FBXL14: variants seen among roughly 807,000 people sequenced by gnomAD.
FBXL14 encodes the protein F-box/LRR-repeat protein 14.
In FBXL14, 11 loss-of-function variants were observed where a neutral mutation model predicts 24.5. That is an observed-to-expected ratio of 0.45 (90% confidence interval 0.28 to 0.74). The LOEUF (loss-of-function observed/expected upper bound fraction) is 0.74. Ranked by LOEUF, FBXL14 falls within the 30% of genes least tolerant of loss-of-function variation. The pLI is 0.12. For missense variants in FBXL14, 384 were observed against 545.6 expected, an observed-to-expected ratio of 0.70 and a Z score of 2.95; for synonymous variants, 294 against 240.4, an observed-to-expected ratio of 1.22 and a Z score of -2.06.
intron 1 of FBXL14, among the ~76,000 whole-genome samples, chr12:1,578,605 C>G (rs2094460338): frequency 6.6e-6 from 1 of 152,124 alleles, no homozygotes; most frequent in Non-Finnish European, 1.5e-5. Flanking sequence ...CGCCACTGCA[C>G]TCCAGCCTGG....
At chr12:1,577,541 G>A (rs1321124839) in intron 1 of FBXL14, among the ~76,000 whole-genome samples, 2 of 152,236 alleles carry the variant, frequency 1.3e-5, no homozygotes, top group Non-Finnish European at 1.5e-5. Flanking sequence ...GTCAAATACA[G>A]TGATGGTCAT....
rs901509851 is a variant in FBXL14, at chr12:1,569,173, CT to C, written c.1195-2364del. Reference sequence around the variant, plus strand: ...ATTTATATAATCAATGCTTGTTTTGCTTCTCTTTTTTCTCCTTTTCATTTTC... The same window carrying C: ...ATTTATATAATCAATGCTTGTTTTGCTCTCTTTTTTCTCCTTTTCATTTTC... On this transcript the variant is annotated intron_variant, in intron 1 of 1. Transcript: ENST00000339235. The surrounding 1 kb of genome is among the most constrained non-coding windows in gnomAD (Gnocchi z 4.2). 2.0e-5 allele frequency among the ~76,000 whole-genome samples: 3 copies of C among 151,870 alleles called. No individual in the cohort carries two copies. The highest frequency in any genetic ancestry group is 7.3e-5 in the African/African-American group (3 of 41,338).
chr12:1,575,490 C>T (rs935032649), intron 1 of FBXL14, among the ~76,000 whole-genome samples: 16 of 152,154 alleles, frequency 1.1e-4, no homozygotes, highest in Admixed American at 2.6e-4. Context: ...CTGTGCCGTT[C>T]GGGATCCCGT....
intron 1 of FBXL14, among the ~76,000 whole-genome samples, chr12:1,572,714 G>C (rs941902095): frequency 6.6e-6 from 1 of 152,292 alleles, no homozygotes; most frequent in African/African-American, 2.4e-5. Context: ...TAACCTATTG[G>C]CAAGAAGGAG....
At chr12:1,580,341 T>C (rs1365490668) in intron 1 of FBXL14, among the ~76,000 whole-genome samples, 2 of 152,234 alleles carry the variant, frequency 1.3e-5, no homozygotes, top group Non-Finnish European at 2.9e-5. Context: ...GTTTTATAAA[T>C]AAGGGCTTAA....
intron 1 of FBXL14, among the ~76,000 whole-genome samples, chr12:1,573,437 A>G (rs1419705549): frequency 6.6e-6 from 1 of 152,180 alleles, no homozygotes; most frequent in Non-Finnish European, 1.5e-5. Flanking sequence ...GAAGCTCAGC[A>G]CATACGTTCA....
At chr12:1,576,147 G>A (rs948706039) in intron 1 of FBXL14, among the ~76,000 whole-genome samples, 2 of 152,192 alleles carry the variant, frequency 1.3e-5, no homozygotes, top group Non-Finnish European at 2.9e-5. Flanking sequence ...ATGAAGCAGG[G>A]AGTGATTTAA....
Position 1,567,875 on chromosome 12 carries a change from C to G in FBXL14, c.1195-1065G>C, listed in dbSNP as rs2094438812. Among the ~76,000 whole-genome samples, 1 of 152,218 alleles carries G rather than the reference C, an allele frequency of 6.6e-6. No homozygotes were observed. The highest frequency in any genetic ancestry group is 1.5e-5 in the Non-Finnish European group (1 of 68,038). On this transcript the variant is annotated intron_variant, in intron 1 of 1. Transcript: ENST00000339235. The surrounding 1 kb of genome is among the most constrained non-coding windows in gnomAD (Gnocchi z 4.8). The stretch of plus-strand genomic sequence containing the variant: ...TGTGAAAAGGGAAAAGAAAACCCAC[C>G]CACACGCACACGCGCGCACACACGT...
At position 1,593,154 on chromosome 12, in the gene FBXL14, C is replaced by G. The variant is rs756919532; in HGVS notation, c.913G>C (p.Asp305His). The G allele has an allele frequency of 6.8e-6, 11 of 1,613,662 alleles. No individual in the cohort carries two copies. The highest frequency in any genetic ancestry group is 2.7e-5 in the African/African-American group (2 of 74,958). The change falls in exon 1 of 2, where the codon GAT (aspartate) becomes CAT (histidine). Residue 305 changes from aspartate to histidine, a missense_variant. Coordinates refer to ENST00000339235, the MANE Select transcript of FBXL14 (RefSeq NM_152441.3). The surrounding 1 kb of genome is among the most constrained non-coding windows in gnomAD (Gnocchi z 7.4). ...QSLAYIAQGL[D>H]GLKSLSLCSC... ...CAGAGGGAGAGAGACTTGAGGCCAT[C>G]CAGCCCCTGGGCTATGTAAGCCAGA...
intron 1 of FBXL14, among the ~76,000 whole-genome samples, chr12:1,578,799 G>C (rs1315448792): frequency 2.0e-5 from 3 of 152,062 alleles, no homozygotes; most frequent in African/African-American, 7.2e-5. Context: ...GGGCGGCTTC[G>C]GAGCAGCTCT....
chr12:1,582,906 G>T (rs759055566), intron 1 of FBXL14, among the ~76,000 whole-genome samples: 53 of 152,218 alleles, frequency 3.5e-4, no homozygotes, highest in East Asian at 1.9e-4. Flanking sequence ...GTCTCTTCTT[G>T]TGCCATTCTA....
chr12:1,575,767 C>T (rs11061866), intron 1 of FBXL14, among the ~76,000 whole-genome samples: 114,011 of 151,664 alleles, frequency 0.75, 45,614 homozygotes, highest in Non-Finnish European at 0.9. Flanking sequence ...GGAGTGTGTG[C>T]AATCATGTTT....
chr12:1,573,985 A>G (rs577207770), intron 1 of FBXL14, among the ~76,000 whole-genome samples: 1 of 151,972 alleles, frequency 6.6e-6, no homozygotes, highest in Admixed American at 6.6e-5. Context: ...AGCCTGGGCA[A>G]CAAGAGCGAA....
At chr12:1,592,800 G>A in intron 1 of FBXL14, 73 bp downstream of exon 1, 1 of 1,260,266 alleles carries the variant, frequency 7.9e-7, no homozygotes, top group African/African-American at 1.5e-5. Flanking sequence ...GCGTGTGAGT[G>A]TGTGGGGGCG....
In FBXL14 at chr12:1,579,609, T is replaced by C. The variant is rs61912224; in HGVS notation, c.1195-12799A>G. ...GTCTCGGTGATAGGGTGAGACTCCATTTAAAAAAAAAAAAAAATGTAGTTA... is the reference window on the plus strand; with the variant it reads ...GTCTCGGTGATAGGGTGAGACTCCACTTAAAAAAAAAAAAAAATGTAGTTA... On this transcript the variant is annotated intron_variant, in intron 1 of 1. Coordinates refer to ENST00000339235, the MANE Select transcript of FBXL14 (RefSeq NM_152441.3). The surrounding 1 kb of genome is among the most constrained non-coding windows in gnomAD (Gnocchi z 4.3). Among the ~76,000 whole-genome samples, 28 of 144,724 alleles carry C rather than the reference T, an allele frequency of 1.9e-4. No homozygotes were observed. Among genetic ancestry groups the C allele is most frequent in the African/African-American group, 6.6e-4 (24 of 36,276 alleles). 94.9% of individuals were successfully genotyped at this position (144,724 alleles called of 152,430 possible).
At chr12:1,588,095 A>C (rs866529658) in intron 1 of FBXL14, among the ~76,000 whole-genome samples, 3 of 152,224 alleles carry the variant, frequency 2.0e-5, no homozygotes, top group African/African-American at 4.8e-5. Context: ...TCCCTTTCAT[A>C]GAACTGGGAA....
Position 1,571,195 on chromosome 12 carries a change from G to GT in FBXL14, c.1195-4386dup, listed in dbSNP as rs201436877. Among the ~76,000 whole-genome samples the GT allele has an allele frequency of 7.4e-3, 1,009 of 136,146 alleles. 15 individuals carry two copies. Among genetic ancestry groups the GT allele is most frequent in the African/African-American group, 0.023 (916 of 39,660 alleles). The allele number at this position is 136,146 out of a possible 152,430, so 89.3% of individuals were successfully genotyped here. Reference sequence around the variant, plus strand: ...AAAACAGTTTCTTTTTTCTGGTGGGGTTTTTTTTGTTTGTTTGTTTTGTTT... The same window carrying GT: ...AAAACAGTTTCTTTTTTCTGGTGGGGTTTTTTTTTGTTTGTTTGTTTTGTTT... On this transcript the variant is annotated intron_variant, in intron 1 of 1. Coordinates refer to ENST00000339235, the MANE Select transcript of FBXL14 (RefSeq NM_152441.3).
At chr12:1,585,143 C>T (rs35245056) in intron 1 of FBXL14, among the ~76,000 whole-genome samples, 2,653 of 152,066 alleles carry the variant, frequency 0.017, 39 homozygotes, top group Middle Eastern at 0.068. Context: ...TCACGCCTGT[C>T]ATCCCAGCAC....
At chr12:1,573,839 T>TA (rs2094449908) in intron 1 of FBXL14, among the ~76,000 whole-genome samples, 1 of 152,146 alleles carries the variant, frequency 6.6e-6, no homozygotes, top group African/African-American at 2.4e-5. Flanking sequence ...ACCTTGTCTC[T>TA]ACTACAAATA....
Sources: allele counts gnomAD v4.1 joint callset (sites outside exome capture counted in the v4.1 genomes callset), GRCh38; gene constraint gnomAD v4.1.1; non-coding constraint Gnocchi (gnomAD v3.1); transcripts MANE v1.5; gene names NCBI Gene and HGNC (gene_info 2026-07-23, HGNC 2026-07-21).